The following CDH12 variants were observed in gnomAD, a reference collection of about 807,000 sequenced individuals.
CDH12 encodes the protein cadherin-12.
Under a neutral mutation model 74.1 loss-of-function variants are expected in CDH12, and 41 were observed. That is an observed-to-expected ratio of 0.55 (90% confidence interval 0.43 to 0.72). The LOEUF is 0.72. CDH12 is among the 30% of genes least tolerant of loss of function. The probability of loss-of-function intolerance (pLI) is 0.00; values close to 1 mark genes in which losing one functional copy is unlikely to be tolerated. For synonymous variants in CDH12, 399 were observed against 355.0 expected (o/e 1.12, Z -1.39); for missense variants, 945 against 977.2 (o/e 0.97, Z 0.44).
intron 2 of CDH12, among the ~76,000 whole-genome samples, chr5:22,406,582 G>T (rs961732136): frequency 2.0e-5 from 3 of 152,042 alleles, no homozygotes; most frequent in Admixed American, 6.6e-5. Context: ...AAGAAGAAAA[G>T]ATATTATTTT....
intron 1 of CDH12, among the ~76,000 whole-genome samples, chr5:22,810,233 T>C (rs1749066011): frequency 6.6e-6 from 1 of 152,190 alleles, no homozygotes; most frequent in Non-Finnish European, 1.5e-5. Context: ...ATAATCATTT[T>C]AGTATTTTAT....
chr5:22,744,008 A>C (rs1745166412), intron 1 of CDH12, among the ~76,000 whole-genome samples: 1 of 152,122 alleles, frequency 6.6e-6, no homozygotes, highest in East Asian at 1.9e-4. Flanking sequence ...GAGTATACAT[A>C]TTTTTAAATA....
chr5:22,146,677 A>G lies in CDH12; in HGVS notation c.-187+65821T>C, dbSNP rs549350301. Among the ~76,000 whole-genome samples, 22 of 152,252 alleles carry G rather than the reference A, an allele frequency of 1.4e-4. 1 individual carries two copies. Among genetic ancestry groups the G allele is most frequent in the Admixed American group, 9.2e-4 (14 of 15,286 alleles). On this transcript the variant is annotated intron_variant, in intron 4 of 14. Transcript: ENST00000382254. ...TGAAAAGGAGATATCTTTTAATTCA[A>G]CTAAAATGTAAAAGATTGGAAGTGT...
At chr5:21,864,570 A>T (rs1329074731) in intron 6 of CDH12, among the ~76,000 whole-genome samples, 1 of 152,170 alleles carries the variant, frequency 6.6e-6, no homozygotes, top group African/African-American at 2.4e-5. Context: ...TCTCTTCATG[A>T]TAAACTTCCC....
chr5:21,770,738 G>C (rs10038564), intron 11 of CDH12, among the ~76,000 whole-genome samples: 2,367 of 152,068 alleles, frequency 0.016, 53 homozygotes, highest in African/African-American at 0.052. Flanking sequence ...ATAAATTGTT[G>C]TACCATAAGG....
intron 1 of CDH12, among the ~76,000 whole-genome samples, chr5:22,742,945 T>C (rs546070729): frequency 6.6e-6 from 1 of 151,880 alleles, no homozygotes; most frequent in South Asian, 2.1e-4. Context: ...AAAGACTGGG[T>C]GAGCAGATTG....
chr5:22,460,909 T>A (rs552801823), intron 2 of CDH12, among the ~76,000 whole-genome samples: 3 of 147,548 alleles, frequency 2.0e-5, no homozygotes, highest in Non-Finnish European at 4.5e-5. Flanking sequence ...TTAGTAGATA[T>A]GGGGTTTCAC....
chr5:22,039,129 G>T (rs550486219), intron 5 of CDH12, among the ~76,000 whole-genome samples: 78 of 152,218 alleles, frequency 5.1e-4, no homozygotes, highest in Non-Finnish European at 7.5e-4. Flanking sequence ...CACTATCGCA[G>T]GATCCAGGGT....
chr5:22,197,535 C>G (rs1458892482), intron 4 of CDH12, among the ~76,000 whole-genome samples: 1 of 152,180 alleles, frequency 6.6e-6, no homozygotes, highest in African/African-American at 2.4e-5. Flanking sequence ...CAGTGAGATG[C>G]TTTTAAAGAG....
rs201446205 is a variant in CDH12, at chr5:22,014,553, GT to G, written c.232-39169del. On this transcript the variant is annotated intron_variant, in intron 5 of 14. Transcript: ENST00000382254. ...ACATAACCTTTTCTTGATGGTGTAG[GT>G]TAGGAATAATTGGTTCATTTAGGGT... 8.6e-3 allele frequency among the ~76,000 whole-genome samples: 1,306 copies of G among 152,178 alleles called. 17 individuals carry two copies. Among genetic ancestry groups the G allele is most frequent in the African/African-American group, 0.03 (1,229 of 41,532 alleles).
At chr5:22,761,307 G>C (rs1377091797) in intron 1 of CDH12, among the ~76,000 whole-genome samples, 26 of 152,128 alleles carry the variant, frequency 1.7e-4, no homozygotes, top group Non-Finnish European at 1.5e-4. Flanking sequence ...AATTATCTCA[G>C]ATGGGTCAAT....
chr5:21,977,564 A>G lies in CDH12; in HGVS notation c.232-2179T>C, dbSNP rs1757123423. Reference sequence around the variant, plus strand: ...AGAGTAGGTTTTGAAATGTGATACAAGTAGAATTTTAAAAAGAAAAAAGAA... The same window carrying G: ...AGAGTAGGTTTTGAAATGTGATACAGGTAGAATTTTAAAAAGAAAAAAGAA... On this transcript the variant is annotated intron_variant, in intron 5 of 14. Transcript: ENST00000382254. Among the ~76,000 whole-genome samples the G allele has an allele frequency of 2.0e-5, 3 of 152,176 alleles. No individual in the cohort carries two copies. In the South Asian group the frequency reaches 6.2e-4, roughly 31 times the overall value.
intron 8 of CDH12, among the ~76,000 whole-genome samples, chr5:21,838,937 A>C (rs973275127): frequency 2.0e-5 from 3 of 152,198 alleles, no homozygotes; most frequent in Non-Finnish European, 4.4e-5. Context: ...CTGATATAGG[A>C]ATCCTCACTA....
chr5:22,232,021 T>C (rs1383730025), intron 3 of CDH12, among the ~76,000 whole-genome samples: 2 of 151,974 alleles, frequency 1.3e-5, no homozygotes, highest in East Asian at 3.9e-4. Flanking sequence ...TGAAGGTTTT[T>C]TTATAGTAGC....
chr5:21,989,975 C>T (rs890081451), intron 5 of CDH12, among the ~76,000 whole-genome samples: 14 of 152,234 alleles, frequency 9.2e-5, no homozygotes, highest in African/African-American at 2.9e-4. Context: ...TATCAAATCC[C>T]TTTGTGCAAT....
intron 2 of CDH12, among the ~76,000 whole-genome samples, chr5:22,420,413 C>A (rs1023616580): frequency 6.6e-6 from 1 of 152,082 alleles, no homozygotes; most frequent in African/African-American, 2.4e-5. Context: ...TTGCCCAGCA[C>A]CATTATTAAA....
At chr5:22,547,356 G>A (rs535506844) in intron 1 of CDH12, among the ~76,000 whole-genome samples, 3 of 152,202 alleles carry the variant, frequency 2.0e-5, no homozygotes, top group Non-Finnish European at 4.4e-5. Context: ...CCAGTAACAC[G>A]CCTTCTCAAT....
rs947634811 is a variant in CDH12, at chr5:22,331,750, A to C, written c.-333+73507T>G. 1.3e-5 allele frequency among the ~76,000 whole-genome samples: 2 copies of C among 152,232 alleles called. 1 individual carries two copies. Among genetic ancestry groups the C allele is most frequent in the East Asian group, 3.8e-4 (2 of 5,198 alleles). Reference sequence around the variant, plus strand: ...CAATAGCTGTTTTGATGAAACTCAAATAAATTCAAGATAACACAGAGAAGT... The same window carrying C: ...CAATAGCTGTTTTGATGAAACTCAACTAAATTCAAGATAACACAGAGAAGT... On this transcript the variant is annotated intron_variant, in intron 3 of 14. Coordinates refer to ENST00000382254, the MANE Select transcript of CDH12 (RefSeq NM_004061.5).
intron 5 of CDH12, among the ~76,000 whole-genome samples, chr5:21,984,297 G>A (rs1389069435): frequency 1.3e-5 from 2 of 152,084 alleles, no homozygotes; most frequent in East Asian, 1.9e-4. Flanking sequence ...ACAGAATAAC[G>A]TCTTTTAAAA....
Sources: gnomAD v4.1 joint callset for allele counts (sites outside exome capture counted in the v4.1 genomes callset) on GRCh38, gnomAD v4.1.1 for gene constraint, MANE v1.5 for transcripts, NCBI Gene and HGNC (gene_info 2026-07-23, HGNC 2026-07-21) for gene names.